SEMA3D: variants seen among roughly 807,000 people sequenced by gnomAD.
SEMA3D encodes the protein semaphorin 3D.
Under a neutral mutation model 100.1 loss-of-function variants are expected in SEMA3D, and 84 were observed. The ratio of observed to expected loss-of-function variants is 0.84; its 90% CI spans 0.70 to 1.01. The LOEUF (loss-of-function observed/expected upper bound fraction) is 1.01. SEMA3D is among the 50% of genes least tolerant of loss of function. SEMA3D has a pLI of 0.00. For missense variants in SEMA3D, 875 were observed against 934.1 expected, an observed-to-expected ratio of 0.94 and a Z score of 0.82; for synonymous variants, 312 against 320.7, an observed-to-expected ratio of 0.97 and a Z score of 0.29.
intron 3 of SEMA3D, among the ~76,000 whole-genome samples, chr7:85,110,162 T>A (rs557263125): frequency 7.2e-4 from 110 of 152,092 alleles, no homozygotes; most frequent in African/African-American, 2.6e-3. Context: ...TGCATGGCAA[T>A]AGTGCATCAT....
At chr7:85,140,761 A>G (rs1790024013) in intron 2 of SEMA3D, 1 of 971,898 alleles carries the variant, frequency 1.0e-6, no homozygotes, top group Non-Finnish European at 1.2e-6. Context: ...CTAATAATGA[A>G]TGAATTAATG....
At chr7:85,187,993 A>G (rs1294200041), upstream of SEMA3D, among the ~76,000 whole-genome samples, 1 of 152,206 alleles carries the variant, frequency 6.6e-6, no homozygotes, top group Non-Finnish European at 1.5e-5. Context: ...AGACATGGAA[A>G]GCAAGCAGCC....
chr7:85,214,053 A>G, the SEMA3D span, among the ~76,000 whole-genome samples: 1 of 152,182 alleles, frequency 6.6e-6, no homozygotes, highest in East Asian at 1.9e-4. Flanking sequence ...ACAATCCTAT[A>G]TATTGATTCA....
chr7:85,116,383 AAT>A (rs1462197085), intron 3 of SEMA3D, among the ~76,000 whole-genome samples: 1 of 146,064 alleles, frequency 6.8e-6, no homozygotes, highest in African/African-American at 2.5e-5. Flanking sequence ...TATTTATATA[AAT>A]ATATACATAA....
At chr7:85,045,705 T>A (rs1790988820) in intron 9 of SEMA3D, among the ~76,000 whole-genome samples, 1 of 151,798 alleles carries the variant, frequency 6.6e-6, no homozygotes. Context: ...TAACAATGAG[T>A]TCTGTGTTCA....
chr7:85,197,161 T>C, the SEMA3D span, among the ~76,000 whole-genome samples: 1 of 152,180 alleles, frequency 6.6e-6, no homozygotes, highest in African/African-American at 2.4e-5. Context: ...CTGTCCTTTG[T>C]GGGGGAAAAT....
At chr7:85,007,752 C>T (rs1042434673) in intron 17 of SEMA3D, among the ~76,000 whole-genome samples, 7 of 151,682 alleles carry the variant, frequency 4.6e-5, no homozygotes, top group Non-Finnish European at 8.8e-5. Context: ...CCCAAATATG[C>T]ACTATTTCAT....
intron 4 of SEMA3D, among the ~76,000 whole-genome samples, chr7:85,096,107 AT>A (rs1255190658): frequency 4.7e-4 from 71 of 152,098 alleles, no homozygotes; most frequent in African/African-American, 1.7e-3. Flanking sequence ...CTTTTAAGCT[AT>A]GCAGCATCTC....
chr7:85,001,543 CCT>C (rs1304926932), intron 18 of SEMA3D, among the ~76,000 whole-genome samples: 1 of 151,860 alleles, frequency 6.6e-6, no homozygotes, highest in Non-Finnish European at 1.5e-5. Flanking sequence ...TGTTTTTTTC[CCT>C]TAGATAATTT....
intron 3 of SEMA3D, among the ~76,000 whole-genome samples, chr7:85,117,519 C>T (rs1372094860): frequency 1.3e-5 from 2 of 152,162 alleles, no homozygotes; most frequent in East Asian, 3.9e-4. Context: ...TGGCTCACTC[C>T]TATAAGCCCA....
intron 1 of SEMA3D, among the ~76,000 whole-genome samples, chr7:85,168,850 AAAG>A (rs1362308439): frequency 1.1e-4 from 12 of 111,270 alleles, no homozygotes; most frequent in Admixed American, 5.3e-4. Context: ...AGAAAGAAAG[AAAG>A]AAAGAAAGAA....
the SEMA3D span, among the ~76,000 whole-genome samples, chr7:85,202,634 C>G: frequency 6.6e-6 from 1 of 151,986 alleles, no homozygotes; most frequent in Non-Finnish European, 1.5e-5. Flanking sequence ...TGAACTCAAA[C>G]AAGTTTACAA....
chr7:85,140,483 C>T (rs567350153), intron 2 of SEMA3D: 2 of 982,830 alleles, frequency 2.0e-6, no homozygotes, highest in South Asian at 9.4e-5. Flanking sequence ...TACAGGATCA[C>T]TTACATTAAA....
chr7:85,072,329 C>T (rs1791797617), intron 6 of SEMA3D, among the ~76,000 whole-genome samples: 1 of 152,162 alleles, frequency 6.6e-6, no homozygotes, highest in African/African-American at 2.4e-5. Flanking sequence ...AATGACTATA[C>T]ACTTTTAAGA....
intron 7 of SEMA3D, among the ~76,000 whole-genome samples, chr7:85,067,683 A>T (rs1355538932): frequency 6.6e-6 from 1 of 152,180 alleles, no homozygotes; most frequent in African/African-American, 2.4e-5. Context: ...AGATGTATAC[A>T]AAGTGAGAGA....
chr7:85,004,818 A>G (rs1789748999), intron 18 of SEMA3D, among the ~76,000 whole-genome samples: 1 of 152,046 alleles, frequency 6.6e-6, no homozygotes, highest in Admixed American at 6.6e-5. Flanking sequence ...GAAACTCTCT[A>G]TTTACAAAGA....
At chr7:85,088,756 T>C (rs1407058916) in intron 4 of SEMA3D, among the ~76,000 whole-genome samples, 3 of 152,144 alleles carry the variant, frequency 2.0e-5, no homozygotes, top group Admixed American at 6.5e-5. Context: ...TTTTAGATTT[T>C]TATATAAGGG....
At chr7:85,088,159 T>C (rs1788280178) in intron 4 of SEMA3D, among the ~76,000 whole-genome samples, 3 of 152,214 alleles carry the variant, frequency 2.0e-5, no homozygotes, top group African/African-American at 7.2e-5. Context: ...CTAACAATTG[T>C]TGTTTCACTT....
chr7:85,244,914 G>C, the SEMA3D span, among the ~76,000 whole-genome samples: 3 of 151,980 alleles, frequency 2.0e-5, no homozygotes, highest in Non-Finnish European at 4.4e-5. Flanking sequence ...GATTCACCAC[G>C]TTGGCCAGGA....
Sources: gnomAD v4.1 joint callset for allele counts (sites outside exome capture counted in the v4.1 genomes callset) on GRCh38, gnomAD v4.1.1 for gene constraint, MANE v1.5 for transcripts, NCBI Gene and HGNC (gene_info 2026-07-23, HGNC 2026-07-21) for gene names.